The following COL12A1 variants were observed in gnomAD, a reference collection of about 807,000 sequenced individuals.
COL12A1 encodes collagen alpha-1(XII) chain.
A neutral mutation model predicts 349.7 loss-of-function variants in COL12A1; 114 were observed. The observed-to-expected ratio is 0.33, with a 90% CI of 0.28 to 0.38. The LOEUF (loss-of-function observed/expected upper bound fraction) is 0.38, where lower values mean the gene tolerates loss of function less well. Among genes scored for constraint, COL12A1 ranks in the 10% least tolerant of loss-of-function variants. The pLI, the probability that COL12A1 is intolerant of heterozygous loss-of-function variation, is 1.00. For synonymous variants in COL12A1, 1,369 were observed against 1,329.0 expected, an observed-to-expected ratio of 1.03 and a Z score of -0.66; for missense variants, 3,284 against 3,756.9, an observed-to-expected ratio of 0.87 and a Z score of 3.29.
intron 10 of COL12A1, among the ~76,000 whole-genome samples, chr6:75,182,634 G>C (rs1377789123): frequency 6.6e-6 from 1 of 152,110 alleles, no homozygotes; most frequent in East Asian, 1.9e-4. Context: ...AATGATTCAG[G>C]AAAGGAAATG....
At chr6:75,179,508 G>A (rs963097641) in intron 11 of COL12A1, among the ~76,000 whole-genome samples, 16 of 149,450 alleles carry the variant, frequency 1.1e-4, no homozygotes, top group African/African-American at 3.5e-4. Context: ...TAGTTTATGT[G>A]ATGGACTTCA....
At chr6:75,189,910 T>C (rs903243293) in intron 5 of COL12A1, 95 bp from the exon 6 acceptor site, 2 of 1,334,784 alleles carry the variant, frequency 1.5e-6, no homozygotes, top group African/African-American at 1.5e-5. Context: ...CTTAAATCAT[T>C]CTGTTCATTA....
intron 17 of COL12A1, among the ~76,000 whole-genome samples, chr6:75,154,019 A>G (rs193124375): frequency 6.6e-5 from 10 of 152,184 alleles, no homozygotes; most frequent in Admixed American, 4.6e-4. Context: ...TAATTATGCA[A>G]TAATGCATAA....
chr6:75,192,494 T>C lies in COL12A1; in HGVS notation c.191-139A>G, dbSNP rs544458317. ...TTTCAGGACACTCAAACATTATTTT[T>C]TACTGCCTTCCAAAACTAAAATTTT... On this transcript the variant is annotated intron_variant, in intron 3 of 65. Transcript: ENST00000322507. 21 of 711,326 alleles carry C rather than the reference T, an allele frequency of 3.0e-5. No individual in the cohort carries two copies. The African/African-American group carries it at 3.5e-4, about 12-fold the overall frequency. The allele number at this position is 711,326 out of a possible 1,614,324, so 44.1% of individuals were successfully genotyped here.
At position 75,189,742 on chromosome 6, in the gene COL12A1, G is replaced by T; in HGVS notation, c.468C>A (p.Phe156Leu). 1 of 1,613,280 alleles carries T rather than the reference G, an allele frequency of 6.2e-7. No homozygotes were observed. Among genetic ancestry groups the T allele is most frequent in the Non-Finnish European group, 8.5e-7 (1 of 1,179,390 alleles). ...DGSWSVGRNNFKYILDFIAAL... is the reference protein window; with the variant it reads ...DGSWSVGRNNLKYILDFIAAL... ...CAGCAATGAAGTCTAAAATGTACTT[G>T]AAATTATTTCTTCCCACACTCCAAG... The change falls in exon 6 of 66, where the codon TTC (phenylalanine) becomes TTA (leucine). Residue 156 changes from phenylalanine to leucine, a missense_variant. Transcript: ENST00000322507.
chr6:75,153,799 G>A (rs982197093), intron 17 of COL12A1, among the ~76,000 whole-genome samples: 5 of 152,000 alleles, frequency 3.3e-5, no homozygotes, highest in African/African-American at 1.2e-4. Flanking sequence ...CTGTAATTGT[G>A]GCAGGGACAG....
At chr6:75,160,774 A>G (rs601008) in intron 14 of COL12A1, among the ~76,000 whole-genome samples, 4,688 of 152,218 alleles carry the variant, frequency 0.031, 181 homozygotes, top group East Asian at 0.13. Flanking sequence ...TAATTTCTTG[A>G]AAACTGCAAC....
At position 75,133,400 on chromosome 6, in the gene COL12A1, T is replaced by G. The variant is rs747872720; in HGVS notation, c.5687A>C (p.Asn1896Thr). The change falls in exon 34 of 66, where the codon AAT becomes ACT. Residue 1896 changes from asparagine to threonine, a missense_variant. Physicochemically the swap from Asn to Thr is moderately conservative, Grantham distance 65 (BLOSUM62 0). Transcript: ENST00000322507. ...CTGCAGATTCCTAAGAATGGCATAATTGGTATTCCCGGGGATTGGTACCTA... is the reference window on the plus strand; with the variant it reads ...CTGCAGATTCCTAAGAATGGCATAAGTGGTATTCCCGGGGATTGGTACCTA... ...EELVPIPGNT[N>T]YAILRNLQPD... The G allele has an allele frequency of 6.2e-7, 1 of 1,611,558 alleles. No individual in the cohort carries two copies. Among genetic ancestry groups the G allele is most frequent in the Admixed American group, 1.7e-5 (1 of 59,596 alleles).
rs1768939089 is a variant in COL12A1 at position 75,113,589 on chromosome 6, TA to T, written c.7840+12del. 4.4e-6 allele frequency: 7 copies of T among 1,597,304 alleles called. No homozygotes were observed. Among genetic ancestry groups the T allele is most frequent in the Non-Finnish European group, 6.0e-6 (7 of 1,170,720 alleles). Reference sequence around the variant, plus strand: ...AACTAAGTATGCATGTGCCTTAAGATAAAAATTCTTACGATCTGCAATCACT... The same window carrying T: ...AACTAAGTATGCATGTGCCTTAAGATAAAATTCTTACGATCTGCAATCACT... On this transcript the variant is annotated intron_variant, in intron 50 of 65. Transcript: ENST00000322507.
At chr6:75,096,271 T>G (rs1768019668) in intron 59 of COL12A1, among the ~76,000 whole-genome samples, 1 of 152,230 alleles carries the variant, frequency 6.6e-6, no homozygotes, top group African/African-American at 2.4e-5. Flanking sequence ...TAGTAAATAC[T>G]TAACATGAAA....
Position 75,125,107 on chromosome 6 carries a change from T to C in COL12A1, c.6607+20A>G. The C allele has an allele frequency of 6.4e-7, 1 of 1,561,136 alleles. No individual in the cohort carries two copies. Among genetic ancestry groups the C allele is most frequent in the South Asian group, 1.2e-5 (1 of 80,014 alleles). Reference sequence around the variant, plus strand: ...TCTACTACAGTTTTTCTCACAACCATGAAAATATCCATGACTCACATGTAG... The same window carrying C: ...TCTACTACAGTTTTTCTCACAACCACGAAAATATCCATGACTCACATGTAG... On this transcript the variant is annotated intron_variant, in intron 40 of 65. Coordinates refer to ENST00000322507, the MANE Select transcript of COL12A1 (RefSeq NM_004370.6).
In COL12A1 at chr6:75,130,871, G is replaced by T. The variant is rs369770672; in HGVS notation, c.6048C>A (p.Ser2016Arg). The T allele has an allele frequency of 6.2e-7, 1 of 1,614,044 alleles. No individual in the cohort carries two copies. Among genetic ancestry groups the T allele is most frequent in the Non-Finnish European group, 8.5e-7 (1 of 1,179,974 alleles). ...CCTCACGCGTTCGGCCCTGGGCAGGGCTGGGATTTCCCTCTCCATCCGAGT... is the reference window on the plus strand; with the variant it reads ...CCTCACGCGTTCGGCCCTGGGCAGGTCTGGGATTTCCCTCTCCATCCGAGT... ...ALYSDGEGNP[S>R]PAQGRTLPRS... The change falls in exon 36 of 66, where the codon AGC becomes AGA. Residue 2016 changes from serine (S) to arginine (R), a missense_variant. By Grantham distance (110) the Ser-to-Arg change is moderately radical. Transcript: ENST00000322507.
Position 75,189,774 on chromosome 6 carries a change from C to A in COL12A1, c.436G>T (p.Asp146Tyr), listed in dbSNP as rs1394611159. Residue 146 changes from aspartate (D) to tyrosine (Y), a missense_variant, in exon 6 of 66, where the codon GAT (aspartate) becomes TAT (tyrosine). Around this residue, in one of 2 missense-constraint regions of COL12A1, gnomAD observed 2,601 missense variants for 2,824.8 expected, o/e 0.92. Transcript: ENST00000322507. ...TTTCTTCCCACACTCCAAGAGCCATCCACGAGGAAAACCAAATCAGTCCAG... is the reference window on the plus strand; with the variant it reads ...TTTCTTCCCACACTCCAAGAGCCATACACGAGGAAAACCAAATCAGTCCAG... ...SAWTDLVFLV[D>Y]GSWSVGRNNF... The A allele has an allele frequency of 6.2e-7, 1 of 1,613,156 alleles. No homozygotes were observed. The highest frequency in any genetic ancestry group is 8.5e-7 in the Non-Finnish European group (1 of 1,179,316).
At position 75,156,501 on chromosome 6, in the gene COL12A1, C is replaced by T; in HGVS notation, c.3006G>A (p.Leu1002=). ...TTELSQDSKT[L]KVDEETENTM... ...TGTTTTCTGTTTCTTCATCTACTTTCAGGGTTTTGGAATCTTGAGATACTG... is the reference window on the plus strand; with the variant it reads ...TGTTTTCTGTTTCTTCATCTACTTTTAGGGTTTTGGAATCTTGAGATACTG... Residue 1002 remains leucine, a synonymous_variant, in exon 15 of 66, where the codon CTG becomes CTA. Transcript: ENST00000322507. The T allele has an allele frequency of 6.2e-7, 1 of 1,613,566 alleles. No individual in the cohort carries two copies. The highest frequency in any genetic ancestry group is 8.5e-7 in the Non-Finnish European group (1 of 1,179,732).
intron 14 of COL12A1, among the ~76,000 whole-genome samples, chr6:75,158,085 C>T (rs1767849474): frequency 6.6e-6 from 1 of 152,048 alleles, no homozygotes; most frequent in Non-Finnish European, 1.5e-5. Context: ...AATCTGACAT[C>T]TAATAAAAGT....
chr6:75,127,527 C>G (rs1766077058), intron 38 of COL12A1, among the ~76,000 whole-genome samples: 1 of 152,154 alleles, frequency 6.6e-6, no homozygotes, highest in Non-Finnish European at 1.5e-5. Context: ...AACAGCAATG[C>G]AAATATCTAC....
Position 75,177,927 on chromosome 6 carries a change from C to T in COL12A1, c.2173G>A (p.Ala725Thr), listed in dbSNP as rs984509796. Residue 725 changes from alanine (A) to threonine (T), a missense_variant, in exon 12 of 66, where the codon GCA (alanine) becomes ACA (threonine). By Grantham distance (58) the Ala-to-Thr change is moderately conservative. Around this residue, in one of 2 missense-constraint regions of COL12A1, gnomAD observed 2,601 missense variants for 2,824.8 expected, o/e 0.92. Transcript: ENST00000322507. ...TCTGTCACCTTTAGGTTTCGAGGTG[C>T]TCCTTTTACTGAAATAAAAAAGGAA... ...GEETTEEVKG[A>T]PRNLKVTDET... The T allele has an allele frequency of 1.5e-5, 24 of 1,592,050 alleles. No individual in the cohort carries two copies. Among genetic ancestry groups the T allele is most frequent in the African/African-American group, 2.7e-5 (2 of 73,802 alleles).
In COL12A1 at chr6:75,156,276, C is replaced by T. The variant is rs1349009893; in HGVS notation, c.3231G>A (p.Arg1077=). 6.2e-7 allele frequency: 1 copy of T among 1,613,748 alleles called. No homozygotes were observed. Among genetic ancestry groups the T allele is most frequent in the East Asian group, 2.2e-5 (1 of 44,876 alleles). ...TCATACCTGTTGTTCCTGATCCTTGCCTAAGCTTTCCTTCTCCCATCTTGT... is the reference window on the plus strand; with the variant it reads ...TCATACCTGTTGTTCCTGATCCTTGTCTAAGCTTTCCTTCTCCCATCTTGT... ...PIYKMGEGKL[R]QGSGTTASRF... is the part of the protein sequence containing the mutation. The change falls in exon 15 of 66, where the codon AGG becomes AGA. Residue 1077 remains arginine, a synonymous_variant. Transcript: ENST00000322507.
At chr6:75,097,096 T>C (rs1035394152) in intron 59 of COL12A1, among the ~76,000 whole-genome samples, 157 bp downstream of exon 59, 1 of 152,168 alleles carries the variant, frequency 6.6e-6, no homozygotes, top group African/African-American at 2.4e-5. Flanking sequence ...ACGTCTGTTT[T>C]CTCTAGCACA....
Sources: allele counts gnomAD v4.1 joint callset (sites outside exome capture counted in the v4.1 genomes callset), GRCh38; gene constraint gnomAD v4.1.1; regional missense constraint gnomAD v4.1.1; transcripts MANE v1.5; gene names NCBI Gene and HGNC (gene_info 2026-07-23, HGNC 2026-07-21).